The following APBA2 variants were observed in gnomAD, a reference collection of about 807,000 sequenced individuals.
APBA2 encodes amyloid-beta A4 precursor protein-binding family A member 2.
APBA2 carries 30 observed loss-of-function variants against 75.0 expected under a neutral mutation model. The ratio of observed to expected loss-of-function variants is 0.40; its 90% CI spans 0.30 to 0.54. The LOEUF (loss-of-function observed/expected upper bound fraction) is 0.54. APBA2 is among the 20% of genes least tolerant of loss of function. The pLI, the probability that APBA2 is intolerant of heterozygous loss-of-function variation, is 0.49. For synonymous variants in APBA2, 444 were observed against 409.6 expected, an observed-to-expected ratio of 1.08 and a Z score of -1.01; for missense variants, 801 against 1,016.1, an observed-to-expected ratio of 0.79 and a Z score of 2.88.
intron 2 of APBA2, among the ~76,000 whole-genome samples, chr15:28,961,017 C>T (rs2036441262): frequency 6.6e-6 from 1 of 152,126 alleles, no homozygotes; most frequent in African/African-American, 2.4e-5. Context: ...CCTCAGCCTC[C>T]CAGAGTGCTG....
intron 3 of APBA2, among the ~76,000 whole-genome samples, chr15:29,032,150 A>C (rs1377429833): frequency 6.6e-6 from 1 of 152,226 alleles, no homozygotes; most frequent in Non-Finnish European, 1.5e-5. Context: ...GGTGTGTGTC[A>C]AAGAGGCAGA....
chr15:29,020,563 T>TGA (rs1291508283), intron 3 of APBA2, among the ~76,000 whole-genome samples: 1 of 152,102 alleles, frequency 6.6e-6, no homozygotes, highest in Non-Finnish European at 1.5e-5. Flanking sequence ...CCCAGCACTT[T>TGA]GAGAGGCCGA....
intron 3 of APBA2, among the ~76,000 whole-genome samples, chr15:29,048,724 A>G (rs772937364): frequency 7.0e-4 from 106 of 151,938 alleles, no homozygotes; most frequent in Middle Eastern, 6.8e-3. Context: ...TCATGAGGTC[A>G]AGAGATCGAG....
intron 4 of APBA2, among the ~76,000 whole-genome samples, chr15:29,057,613 A>T (rs912524984): frequency 1.3e-5 from 2 of 152,230 alleles, no homozygotes; most frequent in African/African-American, 4.8e-5. Flanking sequence ...TACAGTTTTT[A>T]AAATCTGATG....
intron 4 of APBA2, among the ~76,000 whole-genome samples, chr15:29,057,607 G>A (rs2041957942): frequency 6.6e-6 from 1 of 152,152 alleles, no homozygotes; most frequent in African/African-American, 2.4e-5. Flanking sequence ...TTGTCATACA[G>A]TTTTTAAAAT....
intron 2 of APBA2, among the ~76,000 whole-genome samples, chr15:28,922,156 A>C (rs60060486): frequency 0.036 from 5,518 of 152,080 alleles, 357 homozygotes; most frequent in African/African-American, 0.13. Context: ...TGGGGTGCAC[A>C]TAGGCTGGGG....
chr15:28,979,317 G>A (rs2037503050), intron 2 of APBA2, among the ~76,000 whole-genome samples: 3 of 152,104 alleles, frequency 2.0e-5, no homozygotes, highest in Admixed American at 2.0e-4. Flanking sequence ...CCCGGGTCCC[G>A]GTCCACTCCT....
intron 2 of APBA2, among the ~76,000 whole-genome samples, chr15:28,937,327 T>C (rs1458731720): frequency 1.3e-5 from 2 of 152,190 alleles, no homozygotes; most frequent in African/African-American, 4.8e-5. Flanking sequence ...AAGGATGTAT[T>C]GAGAGGGTCA....
chr15:29,008,719 C>CA (rs1190130085), intron 3 of APBA2, among the ~76,000 whole-genome samples: 3 of 152,038 alleles, frequency 2.0e-5, no homozygotes, highest in Admixed American at 6.6e-5. Context: ...AGAACAACAA[C>CA]AAAAAACAAA....
At chr15:29,105,650 C>A (rs2044365900) in intron 11 of APBA2, 92 bp downstream of exon 11, 1 of 1,396,858 alleles carries the variant, frequency 7.2e-7, no homozygotes, top group African/African-American at 1.4e-5. Context: ...GGTCCTCACG[C>A]ACACCCTTGC....
intron 3 of APBA2, among the ~76,000 whole-genome samples, chr15:29,012,608 G>A (rs926112551): frequency 6.6e-6 from 1 of 152,112 alleles, no homozygotes; most frequent in African/African-American, 2.4e-5. Context: ...ATTTATATTT[G>A]TATGGACTCA....
At chr15:28,985,588 TC>T (rs2037878413) in intron 2 of APBA2, among the ~76,000 whole-genome samples, 1 of 152,342 alleles carries the variant, frequency 6.6e-6, no homozygotes, top group South Asian at 2.1e-4. Context: ...ACTTCGTTTT[TC>T]TTGGAATGAG....
chr15:28,985,215 T>C (rs1187333806), intron 2 of APBA2, among the ~76,000 whole-genome samples: 3 of 152,314 alleles, frequency 2.0e-5, no homozygotes, highest in Admixed American at 2.0e-4. Context: ...TGAGCACGGC[T>C]GCTGTGCTCT....
chr15:29,051,219 C>T (rs2041578857), intron 3 of APBA2, among the ~76,000 whole-genome samples: 1 of 152,184 alleles, frequency 6.6e-6, no homozygotes, highest in African/African-American at 2.4e-5. Flanking sequence ...TCCTCTGACA[C>T]ATCTGGGTTG....
At chr15:29,087,303 T>C (rs2043332816) in intron 6 of APBA2, among the ~76,000 whole-genome samples, 1 of 152,196 alleles carries the variant, frequency 6.6e-6, no homozygotes, top group African/African-American at 2.4e-5. Flanking sequence ...GGGAAGTCAT[T>C]CTCCCCACTG....
chr15:29,106,573 G>A (rs776317620), intron 11 of APBA2, 34 bp from the exon 12 acceptor site: 12 of 1,611,548 alleles, frequency 7.4e-6, no homozygotes, highest in South Asian at 2.2e-5. Flanking sequence ...GGTCCTTGCC[G>A]CCAGCCCCTC....
intron 3 of APBA2, among the ~76,000 whole-genome samples, chr15:29,051,662 T>C (rs1412633086): frequency 6.6e-6 from 1 of 152,190 alleles, no homozygotes; most frequent in African/African-American, 2.4e-5. Flanking sequence ...CTCAGTCTCA[T>C]AACAAGATGT....
At chr15:29,060,665 ATC>A (rs900671465) in intron 4 of APBA2, among the ~76,000 whole-genome samples, 1 of 152,164 alleles carries the variant, frequency 6.6e-6, no homozygotes, top group African/African-American at 2.4e-5. Context: ...AAATGTCCCC[ATC>A]TCAGTGCTAA....
In APBA2 at chr15:29,106,724, C is replaced by T. The variant is rs764565063; in HGVS notation, c.1822C>T (p.Arg608Cys). Residue 608 changes from arginine (R) to cysteine (C), a missense_variant, in exon 12 of 15, where the codon CGC becomes TGC. Coordinates refer to ENST00000683413, the MANE Select transcript of APBA2 (RefSeq NM_001353788.2). ...ANMMNGGPAA[R>C]SGKLSIGDQI... ...CATGATGAATGGCGGCCCGGCTGCC[C>T]GCTCGGGGAAGCTGAGCATCGGGGA... 15 of 1,612,872 alleles carry T rather than the reference C, an allele frequency of 9.3e-6. No homozygotes were observed. Among genetic ancestry groups the T allele is most frequent in the East Asian group, 2.2e-5 (1 of 44,860 alleles).
Sources: allele counts gnomAD v4.1 joint callset (sites outside exome capture counted in the v4.1 genomes callset), GRCh38; gene constraint gnomAD v4.1.1; transcripts MANE v1.5; gene names NCBI Gene and HGNC (gene_info 2026-07-23, HGNC 2026-07-21).